GRM5: variants seen among roughly 807,000 people sequenced by gnomAD.
GRM5 encodes the protein metabotropic glutamate receptor 5.
Under a neutral mutation model 83.1 loss-of-function variants are expected in GRM5, and 19 were observed. The ratio of observed to expected loss-of-function variants is 0.23; its 90% CI spans 0.16 to 0.34. The LOEUF (loss-of-function observed/expected upper bound fraction) is 0.34, where lower values mean the gene tolerates loss of function less well. Among genes scored for constraint, GRM5 ranks in the 10% least tolerant of loss-of-function variants. The pLI, the probability that GRM5 is intolerant of heterozygous loss-of-function variation, is 1.00. For synonymous variants in GRM5, 675 were observed against 633.6 expected (o/e 1.07, Z -0.98); for missense variants, 1,160 against 1,588.3 (o/e 0.73, Z 4.58).
chr11:88,951,941 A>T (rs1444815724), intron 2 of GRM5, among the ~76,000 whole-genome samples: 1 of 152,190 alleles, frequency 6.6e-6, no homozygotes, highest in Non-Finnish European at 1.5e-5. Flanking sequence ...TGACTGCTCT[A>T]TATTGACTGT....
chr11:88,683,153 T>C (rs1264989667), intron 3 of GRM5, among the ~76,000 whole-genome samples: 1 of 152,206 alleles, frequency 6.6e-6, no homozygotes, highest in Non-Finnish European at 1.5e-5. Context: ...CAATGAGTCA[T>C]AGCTACAATG....
At chr11:88,752,065 C>G (rs899663149) in intron 3 of GRM5, among the ~76,000 whole-genome samples, 1 of 152,180 alleles carries the variant, frequency 6.6e-6, no homozygotes, top group Non-Finnish European at 1.5e-5. Flanking sequence ...CCCTCTCTCA[C>G]ACCTCCTATT....
At chr11:88,965,743 TA>T (rs1938937842) in intron 2 of GRM5, among the ~76,000 whole-genome samples, 1 of 152,126 alleles carries the variant, frequency 6.6e-6, no homozygotes, top group African/African-American at 2.4e-5. Flanking sequence ...GCAACATATG[TA>T]AATACATAAA....
At chr11:88,891,982 G>A (rs1277767212) in intron 2 of GRM5, among the ~76,000 whole-genome samples, 1 of 151,978 alleles carries the variant, frequency 6.6e-6, no homozygotes, top group Non-Finnish European at 1.5e-5. Flanking sequence ...CAGAGTCAAG[G>A]AAACTTATTT....
At chr11:89,039,402 A>G (rs1243848536) in intron 2 of GRM5, among the ~76,000 whole-genome samples, 1 of 152,234 alleles carries the variant, frequency 6.6e-6, no homozygotes, top group African/African-American at 2.4e-5. Context: ...TCTTTCCTCA[A>G]CTGAGGTTTA....
intron 3 of GRM5, among the ~76,000 whole-genome samples, chr11:88,822,633 AGGGCTGGAATACAAT>A (rs1432808301): frequency 6.6e-6 from 1 of 152,228 alleles, no homozygotes; most frequent in Non-Finnish European, 1.5e-5. Context: ...GGCAGCACAC[AGGGCTGGAATACAAT>A]TATCTTCTTA....
At chr11:89,064,888 C>CTCTCTCTGTGTGTGTGTGTGTGTGTG (rs1218318990) in intron 1 of GRM5, among the ~76,000 whole-genome samples, 1 of 62,266 alleles carries the variant, frequency 1.6e-5, no homozygotes, top group African/African-American at 6.9e-5. Flanking sequence ...CTCTCTCTCT[C>CTCTCTCTGTGTGTGTGTGTGTGTGTG]TGTGTGTGTG....
chr11:88,635,366 A>G (rs1939089021), intron 4 of GRM5, among the ~76,000 whole-genome samples: 1 of 152,166 alleles, frequency 6.6e-6, no homozygotes, highest in African/African-American at 2.4e-5. Context: ...TAGCCATTCT[A>G]ACAGGTGTGA....
intron 2 of GRM5, among the ~76,000 whole-genome samples, chr11:88,923,670 G>A (rs555919291): frequency 4.4e-4 from 67 of 151,878 alleles, no homozygotes; most frequent in African/African-American, 1.3e-3. Context: ...ACAATTTATT[G>A]TACATTTTTA....
rs572669949 is a variant in GRM5 at position 89,057,048 on chromosome 11, T to C, written c.-201+8728A>G. On this transcript the variant is annotated intron_variant, in intron 1 of 9. Transcript: ENST00000305447. ...TATATAATCAGATTCACAGCTCACA[T>C]TGTCCTTTATTTTCAACAATCTTCT... Among the ~76,000 whole-genome samples the C allele has an allele frequency of 1.2e-4, 18 of 152,308 alleles. No homozygotes were observed. In the South Asian group the frequency reaches 1.7e-3, roughly 14 times the overall value.
chr11:88,714,845 T>G (rs1197427937), intron 3 of GRM5, among the ~76,000 whole-genome samples: 1 of 151,946 alleles, frequency 6.6e-6, no homozygotes, highest in Non-Finnish European at 1.5e-5. Context: ...AATGAGACTG[T>G]AAGTTCCACT....
intron 3 of GRM5, among the ~76,000 whole-genome samples, chr11:88,765,917 G>T (rs538198684): frequency 4.9e-4 from 75 of 151,692 alleles, no homozygotes; most frequent in African/African-American, 1.6e-3. Context: ...CACACAGAAT[G>T]GGAGAAAATG....
At position 89,047,260 on chromosome 11, in the gene GRM5, T is replaced by G; in HGVS notation, c.613A>C (p.Ile205Leu). The G allele has an allele frequency of 2.5e-6, 4 of 1,614,136 alleles. No individual in the cohort carries two copies. The highest frequency in any genetic ancestry group is 3.4e-6 in the Non-Finnish European group (4 of 1,179,980). ...TAGGTCCAGTTGTACCTCTTCACTA[T>G]GTCCACCATGGCCCTTGCCTGCTGA... ...DAQQARAMVD[I>L]VKRYNWTYVS... The change falls in exon 2 of 10, where the codon ATA becomes CTA. Residue 205 changes from isoleucine (I) to leucine (L), a missense_variant. Physicochemically the swap from Ile to Leu is conservative, Grantham distance 5. Around this residue, in one of 9 missense-constraint regions of GRM5, gnomAD observed 84 missense variants for 231.0 expected, o/e 0.36. Coordinates refer to ENST00000305447, the MANE Select transcript of GRM5 (RefSeq NM_001143831.3). The surrounding 1 kb of genome is among the most constrained non-coding windows in gnomAD (Gnocchi z 5.1).
At chr11:88,775,832 C>T (rs1457823466) in intron 3 of GRM5, among the ~76,000 whole-genome samples, 1 of 152,130 alleles carries the variant, frequency 6.6e-6, no homozygotes, top group Non-Finnish European at 1.5e-5. Flanking sequence ...TGCTTTTTTA[C>T]ATTTGCTGAG....
At chr11:88,702,381 T>C (rs1565192971) in intron 3 of GRM5, among the ~76,000 whole-genome samples, 1 of 152,050 alleles carries the variant, frequency 6.6e-6, no homozygotes, top group African/African-American at 2.4e-5. Context: ...TGCCTCACAG[T>C]GCAGCTTCTC....
chr11:88,693,475 T>G (rs143452561), intron 3 of GRM5, among the ~76,000 whole-genome samples: 1 of 152,088 alleles, frequency 6.6e-6, no homozygotes, highest in African/African-American at 2.4e-5. Flanking sequence ...CTGAAAATGT[T>G]GAGAAACAAA....
At chr11:88,938,487 A>C (rs180929317) in intron 2 of GRM5, among the ~76,000 whole-genome samples, 1 of 151,668 alleles carries the variant, frequency 6.6e-6, no homozygotes, top group African/African-American at 2.4e-5. Flanking sequence ...ATTTAGTGTT[A>C]AACATTGTAC....
At chr11:88,958,440 A>G (rs1020231359) in intron 2 of GRM5, among the ~76,000 whole-genome samples, 18 of 152,068 alleles carry the variant, frequency 1.2e-4, no homozygotes, top group African/African-American at 4.3e-4. Context: ...AACTTGTTCA[A>G]TAAATTTTGT....
At chr11:88,900,108 A>C (rs867370191) in intron 2 of GRM5, among the ~76,000 whole-genome samples, 3 of 152,170 alleles carry the variant, frequency 2.0e-5, no homozygotes, top group African/African-American at 7.2e-5. Context: ...TGGCATAAAA[A>C]ATGAAGCAGA....
Sources: allele counts gnomAD v4.1 joint callset (sites outside exome capture counted in the v4.1 genomes callset), GRCh38; gene constraint gnomAD v4.1.1; regional missense constraint gnomAD v4.1.1; non-coding constraint Gnocchi (gnomAD v3.1); transcripts MANE v1.5; gene names NCBI Gene and HGNC (gene_info 2026-07-23, HGNC 2026-07-21).